Variants in DPYD observed in about 807,000 individuals in gnomAD.
The protein encoded by DPYD is dihydropyrimidine dehydrogenase [NADP(+)].
A neutral mutation model predicts 116.2 loss-of-function variants in DPYD; 109 were observed. That is an observed-to-expected ratio of 0.94 (90% CI 0.80 to 1.10). The LOEUF (loss-of-function observed/expected upper bound fraction) is 1.10, where lower values mean the gene tolerates loss of function less well. DPYD is among the 50% of genes least tolerant of loss of function. The pLI is 0.00. For synonymous variants in DPYD, 440 were observed against 432.0 expected, an observed-to-expected ratio of 1.02 and a Z score of -0.23; for missense variants, 1,302 against 1,254.5, an observed-to-expected ratio of 1.04 and a Z score of -0.57.
intron 8 of DPYD, among the ~76,000 whole-genome samples, chr1:97,624,719 A>G (rs1266300737): frequency 6.6e-6 from 1 of 152,064 alleles, no homozygotes; most frequent in South Asian, 2.1e-4. Flanking sequence ...CAAACTAAGT[A>G]TCTATCAACA....
Position 97,559,346 on chromosome 1 carries a change from A to T in DPYD, c.1340-9602T>A, listed in dbSNP as rs560908087. 3.9e-5 allele frequency among the ~76,000 whole-genome samples: 6 copies of T among 152,294 alleles called. No individual in the cohort carries two copies. The South Asian group carries it at 1.2e-3, about 32-fold the overall frequency. ...CTTGTGAAAACAATATTATTAAAAT[A>T]TAAGTGAACACTGAAAAATATTTTA... On this transcript the variant is annotated intron_variant, in intron 11 of 22. Coordinates refer to ENST00000370192, the MANE Select transcript of DPYD (RefSeq NM_000110.4).
intron 20 of DPYD, among the ~76,000 whole-genome samples, chr1:97,162,293 G>A (rs547929176): frequency 6.6e-6 from 1 of 152,180 alleles, no homozygotes; most frequent in African/African-American, 2.4e-5. Context: ...ATCTCATTGT[G>A]GTTTTGATTT....
At chr1:97,417,751 T>G (rs1338980776) in intron 14 of DPYD, among the ~76,000 whole-genome samples, 1 of 152,204 alleles carries the variant, frequency 6.6e-6, no homozygotes. Flanking sequence ...TGTTAACCAT[T>G]GTAAACCCTG....
chr1:97,151,607 G>A (rs1444762727), intron 20 of DPYD, among the ~76,000 whole-genome samples: 6 of 151,902 alleles, frequency 3.9e-5, no homozygotes, highest in Admixed American at 1.3e-4. Context: ...CCTGGGAGGC[G>A]GAATTTGCAG....
intron 1 of DPYD, among the ~76,000 whole-genome samples, chr1:97,918,739 A>C (rs1674353930): frequency 6.6e-6 from 1 of 152,224 alleles, no homozygotes; most frequent in Admixed American, 6.5e-5. Flanking sequence ...AGTCACTATT[A>C]GAGTAGGTTG....
chr1:97,920,862 C>T, intron 1 of DPYD, 22 bp downstream of exon 1: 1 of 1,585,182 alleles, frequency 6.3e-7, no homozygotes, highest in Non-Finnish European at 8.6e-7. Context: ...CCACCACCGA[C>T]GAGCCGGCGC....
intron 1 of DPYD, among the ~76,000 whole-genome samples, chr1:97,896,004 C>A (rs1189673958): frequency 1.3e-5 from 2 of 151,562 alleles, no homozygotes; most frequent in Non-Finnish European, 3.0e-5. Context: ...AAATATAACA[C>A]CCAATCTTAC....
intron 18 of DPYD, among the ~76,000 whole-genome samples, chr1:97,261,100 G>C (rs964434248): frequency 6.6e-6 from 1 of 152,102 alleles, no homozygotes; most frequent in African/African-American, 2.4e-5. Context: ...ATAGTTGCTG[G>C]ATTGTGAAGA....
chr1:97,845,585 C>T lies in DPYD; in HGVS notation c.151-17389G>A, dbSNP rs559505744. On this transcript the variant is annotated intron_variant, in intron 2 of 22. Transcript: ENST00000370192. ...ACCTTGCTCTCCCTCCAGTAGCCTG[C>T]GTACCTCATTCTTCCTGGACATGGG... Among the ~76,000 whole-genome samples, 68 of 152,302 alleles carry T rather than the reference C, an allele frequency of 4.5e-4. 1 individual carries two copies. Among genetic ancestry groups the T allele is most frequent in the Admixed American group, 3.7e-3 (57 of 15,294 alleles).
At chr1:97,121,277 G>A (rs1325783905) in intron 20 of DPYD, among the ~76,000 whole-genome samples, 1 of 151,976 alleles carries the variant, frequency 6.6e-6, no homozygotes, top group East Asian at 1.9e-4. Context: ...ATTCTCAGTG[G>A]GAACTTTCCT....
intron 20 of DPYD, among the ~76,000 whole-genome samples, chr1:97,142,101 A>T (rs2101696897): frequency 6.6e-6 from 1 of 152,322 alleles, no homozygotes; most frequent in Non-Finnish European, 1.5e-5. Flanking sequence ...TTTGAGCTTT[A>T]TCCCCATAGA....
chr1:97,706,393 A>G (rs77694519), intron 5 of DPYD, among the ~76,000 whole-genome samples: 1,936 of 152,124 alleles, frequency 0.013, 39 homozygotes, highest in African/African-American at 0.044. Flanking sequence ...ATTTGAGTAC[A>G]TTTATTACAA....
chr1:97,133,998 CAAAAAA>C lies in DPYD; in HGVS notation c.2623-35372_2623-35367del, dbSNP rs1208967697. ...TGGGTCACAGAGCCAGACTCTGTTT[CAAAAAA>C]AAAAAAAAAAATATATATATATATA... On this transcript the variant is annotated intron_variant, in intron 20 of 22. Transcript: ENST00000370192. Among the ~76,000 whole-genome samples, 4 of 17,238 alleles carry C rather than the reference CAAAAAA, an allele frequency of 2.3e-4. 1 individual carries two copies. The highest frequency in any genetic ancestry group is 3.2e-4 in the African/African-American group (1 of 3,080). The allele number at this position is 17,238 out of a possible 152,430, so 11.3% of individuals were successfully genotyped here.
intron 18 of DPYD, among the ~76,000 whole-genome samples, chr1:97,301,332 A>G (rs1259220392): frequency 1.3e-5 from 2 of 152,078 alleles, no homozygotes; most frequent in Admixed American, 6.6e-5. Flanking sequence ...ATAACTTCAA[A>G]CAAGCATTCA....
chr1:97,857,309 A>G (rs1670893010), intron 2 of DPYD, among the ~76,000 whole-genome samples: 1 of 152,104 alleles, frequency 6.6e-6, no homozygotes, highest in Admixed American at 6.5e-5. Flanking sequence ...AACTCCTAAA[A>G]TCCTTGGAAT....
intron 18 of DPYD, among the ~76,000 whole-genome samples, chr1:97,255,708 GT>G (rs11428644): frequency 6.7e-5 from 10 of 149,260 alleles, no homozygotes; most frequent in African/African-American, 9.8e-5. Context: ...TATTTTTGCC[GT>G]TTTTTTTTTT....
chr1:97,399,993 G>T (rs1168471520), intron 14 of DPYD, among the ~76,000 whole-genome samples: 1 of 152,136 alleles, frequency 6.6e-6, no homozygotes, highest in African/African-American at 2.4e-5. Flanking sequence ...ATGTTGAATA[G>T]GAGTGGTGAG....
At chr1:97,413,701 C>T (rs922840866) in intron 14 of DPYD, among the ~76,000 whole-genome samples, 1 of 152,016 alleles carries the variant, frequency 6.6e-6, no homozygotes, top group Non-Finnish European at 1.5e-5. Flanking sequence ...GTCTTGAACT[C>T]GAGCTCAAAC....
At chr1:97,458,359 A>G (rs899995395) in intron 13 of DPYD, among the ~76,000 whole-genome samples, 3 of 152,192 alleles carry the variant, frequency 2.0e-5, no homozygotes, top group Non-Finnish European at 4.4e-5. Context: ...AGATATTGAA[A>G]GGAATCCCTT....
Sources: gnomAD v4.1 joint callset for allele counts (sites outside exome capture counted in the v4.1 genomes callset) on GRCh38, gnomAD v4.1.1 for gene constraint, MANE v1.5 for transcripts, NCBI Gene and HGNC (gene_info 2026-07-23, HGNC 2026-07-21) for gene names.